Variants in KCMF1 observed in about 807,000 individuals in gnomAD.
KCMF1 encodes E3 ubiquitin-protein ligase KCMF1.
In KCMF1, 3 loss-of-function variants were observed where a neutral mutation model predicts 41.1. The ratio of observed to expected loss-of-function variants is 0.07; its 90% confidence interval spans 0.03 to 0.19. The LOEUF is 0.19. Among genes scored for constraint, KCMF1 ranks in the 10% least tolerant of loss-of-function variants. The pLI is 1.00. For synonymous variants in KCMF1, 142 were observed against 164.5 expected (o/e 0.86, Z 1.04); for missense variants, 286 against 488.9 (o/e 0.58, Z 3.91).
At chr2:85,038,854 C>T (rs1264705256) in intron 3 of KCMF1, among the ~76,000 whole-genome samples, 2 of 152,044 alleles carry the variant, frequency 1.3e-5, no homozygotes, top group Admixed American at 1.3e-4. Flanking sequence ...AATTGTACCC[C>T]AGTTTGAAGA....
At chr2:84,999,918 T>C (rs1187014766) in intron 1 of KCMF1, among the ~76,000 whole-genome samples, 1 of 151,942 alleles carries the variant, frequency 6.6e-6, no homozygotes, top group Non-Finnish European at 1.5e-5. Context: ...ATTCAGCCCC[T>C]AGTACTTAAA....
At chr2:85,051,057 A>C (rs1479290790) in intron 6 of KCMF1, among the ~76,000 whole-genome samples, 2 of 152,238 alleles carry the variant, frequency 1.3e-5, no homozygotes, top group Non-Finnish European at 2.9e-5. Context: ...CTGGCTCACT[A>C]TCTGGCCTAT....
At chr2:85,002,453 A>G (rs1421166553) in intron 1 of KCMF1, among the ~76,000 whole-genome samples, 1 of 152,174 alleles carries the variant, frequency 6.6e-6, no homozygotes, top group Non-Finnish European at 1.5e-5. Flanking sequence ...TGATTTACAG[A>G]AAAGTTGCAA....
intron 5 of KCMF1, among the ~76,000 whole-genome samples, 178 bp downstream of exon 5, chr2:85,046,456 T>G (rs1362289198): frequency 6.6e-6 from 1 of 151,910 alleles, no homozygotes; most frequent in Non-Finnish European, 1.5e-5. Context: ...ATGGCAAAAC[T>G]CCATCTCTAC....
At chr2:85,008,332 T>TG (rs1558573506) in intron 1 of KCMF1, among the ~76,000 whole-genome samples, 5 of 109,748 alleles carry the variant, frequency 4.6e-5, no homozygotes, top group African/African-American at 1.5e-4. Flanking sequence ...ATATATAATA[T>TG]ATAATATGAT....
At chr2:84,993,168 T>C (rs1288083119) in intron 1 of KCMF1, among the ~76,000 whole-genome samples, 2 of 145,616 alleles carry the variant, frequency 1.4e-5, no homozygotes, top group Non-Finnish European at 3.0e-5. Context: ...GCCCAGGCAA[T>C]AGAGTGAGAC....
At chr2:85,004,231 G>A (rs1674408157) in intron 1 of KCMF1, among the ~76,000 whole-genome samples, 1 of 152,110 alleles carries the variant, frequency 6.6e-6, no homozygotes, top group African/African-American at 2.4e-5. Context: ...AAACTTTGGG[G>A]CGGGGCGTGG....
At chr2:85,014,734 T>C (rs1239065979) in intron 1 of KCMF1, among the ~76,000 whole-genome samples, 7 of 151,110 alleles carry the variant, frequency 4.6e-5, no homozygotes, top group African/African-American at 1.7e-4. Flanking sequence ...CGTGTGTGTG[T>C]GTGTGTGTGT....
intron 1 of KCMF1, among the ~76,000 whole-genome samples, chr2:85,021,727 A>G (rs1674947562): frequency 6.6e-6 from 1 of 152,070 alleles, no homozygotes; most frequent in African/African-American, 2.4e-5. Context: ...CAAACTTCAT[A>G]GATGAAGAGA....
intron 3 of KCMF1, among the ~76,000 whole-genome samples, chr2:85,043,349 A>G (rs1675586974): frequency 6.6e-6 from 1 of 152,188 alleles, no homozygotes; most frequent in Non-Finnish European, 1.5e-5. Context: ...GCCAGAGATC[A>G]AGTTTGGTGT....
chr2:84,997,852 C>T (rs1286563921), intron 1 of KCMF1, among the ~76,000 whole-genome samples: 4 of 140,900 alleles, frequency 2.8e-5, no homozygotes, highest in Non-Finnish European at 4.5e-5. Flanking sequence ...CTCACTGCAA[C>T]GTCCGCCTCC....
chr2:85,014,228 G>A (rs1178863103), intron 1 of KCMF1, among the ~76,000 whole-genome samples: 1 of 152,150 alleles, frequency 6.6e-6, no homozygotes, highest in Non-Finnish European at 1.5e-5. Flanking sequence ...CAGAGAAGTT[G>A]TGTAATTAGT....
intron 4 of KCMF1, 80 bp from the exon 5 acceptor site, chr2:85,046,024 T>C (rs762731971): frequency 3.2e-4 from 370 of 1,145,874 alleles, no homozygotes; most frequent in Non-Finnish European, 4.2e-4. Context: ...AGGAAATCTT[T>C]ACATCTGTCT....
chr2:85,022,573 C>G (rs1674972922), intron 1 of KCMF1, among the ~76,000 whole-genome samples: 1 of 152,060 alleles, frequency 6.6e-6, no homozygotes, highest in African/African-American at 2.4e-5. Flanking sequence ...GCTTTGCTTT[C>G]TGTTTTTTTG....
At chr2:85,047,506 A>G (rs1300026958) in intron 5 of KCMF1, among the ~76,000 whole-genome samples, 1 of 152,070 alleles carries the variant, frequency 6.6e-6, no homozygotes, top group Non-Finnish European at 1.5e-5. Flanking sequence ...AAGAAAGGAA[A>G]GTAGGACTTA....
intron 1 of KCMF1, among the ~76,000 whole-genome samples, chr2:85,000,449 A>C (rs1056866194): frequency 2.6e-5 from 4 of 152,152 alleles, no homozygotes; most frequent in Non-Finnish European, 5.9e-5. Context: ...AATCTCAATA[A>C]AATCTAGCAA....
intron 1 of KCMF1, among the ~76,000 whole-genome samples, chr2:85,013,562 G>A (rs1163960935): frequency 2.0e-5 from 3 of 152,164 alleles, no homozygotes; most frequent in African/African-American, 7.2e-5. Flanking sequence ...CACTTTGGGA[G>A]GCCGAGGTGG....
At position 85,028,142 on chromosome 2, in the gene KCMF1, C is replaced by T. The variant is rs562365673; in HGVS notation, c.184+86C>T. On this transcript the variant is annotated intron_variant, in intron 2 of 6. Transcript: ENST00000409785. ...AAAGGCAAAGTGTTCTAAAACTCCC[C>T]AGCAGCATACCATAAGCCCCAAATT... 2.7e-4 allele frequency: 205 copies of T among 770,250 alleles called. No individual in the cohort carries two copies. In the African/African-American group the frequency reaches 2.8e-3, roughly 10 times the overall value. The allele number at this position is 770,250 out of a possible 1,614,324, so 47.7% of individuals were successfully genotyped here. A position where few individuals can be genotyped will look rare whatever the true frequency, so the allele number is the denominator to read the frequency against.
Position 85,053,864 on chromosome 2 carries a change from T to A in KCMF1, c.*455T>A, listed in dbSNP as rs976187182. 1.3e-5 allele frequency: 2 copies of A among 152,880 alleles called. No homozygotes were observed. Among genetic ancestry groups the A allele is most frequent in the African/African-American group, 4.8e-5 (2 of 41,402 alleles). The allele number at this position is 152,880 out of a possible 1,614,324, so 9.5% of individuals were successfully genotyped here. On this transcript the variant is annotated 3_prime_UTR_variant, in exon 7 of 7. Coordinates refer to ENST00000409785, the MANE Select transcript of KCMF1 (RefSeq NM_020122.5). ...CAAGGAGTAAAACTTAAAAAAAAAA[T>A]ACAAAGCCCAAAGCTTTCCCAAACA...
Sources: allele counts gnomAD v4.1 joint callset (sites outside exome capture counted in the v4.1 genomes callset), GRCh38; gene constraint gnomAD v4.1.1; transcripts MANE v1.5; gene names NCBI Gene and HGNC (gene_info 2026-07-23, HGNC 2026-07-21).